Variants in CDH19 observed in about 807,000 individuals in gnomAD.
The protein encoded by CDH19 is cadherin 19.
Under a neutral mutation model 64.2 loss-of-function variants are expected in CDH19, and 67 were observed. The ratio of observed to expected loss-of-function variants is 1.04; its 90% CI spans 0.86 to 1.28. The LOEUF is 1.28. Ranked by LOEUF, CDH19 falls within the 50% of genes most tolerant of loss-of-function variation. The probability of loss-of-function intolerance (pLI) is 0.00; values close to 1 mark genes in which losing one functional copy is unlikely to be tolerated. For synonymous variants in CDH19, 346 were observed against 319.3 expected (o/e 1.08, Z -0.89); for missense variants, 1,030 against 929.0 (o/e 1.11, Z -1.41).
intron 1 of CDH19, among the ~76,000 whole-genome samples, chr18:66,588,642 ACAGCTCAGATT>A (rs1988652844): frequency 6.9e-6 from 1 of 145,100 alleles, no homozygotes; most frequent in Non-Finnish European, 1.5e-5. Flanking sequence ...ATATATAGAT[ACAGCTCAGATT>A]TATTTCAGTG....
In CDH19 at chr18:66,538,139, G is replaced by A. The variant is rs1986746084; in HGVS notation, c.1215-3032C>T. Among the ~76,000 whole-genome samples, 4 of 152,106 alleles carry A rather than the reference G, an allele frequency of 2.6e-5. No individual in the cohort carries two copies. The South Asian group carries it at 8.3e-4, about 32-fold the overall frequency. On this transcript the variant is annotated intron_variant, in intron 7 of 11. Coordinates refer to ENST00000262150, the MANE Select transcript of CDH19 (RefSeq NM_021153.4). Reference sequence around the variant, plus strand: ...ATGTAAAAAATATATTCACTATGTAGAGTACATTTCTTCTGAACAGCTATT... The same window carrying A: ...ATGTAAAAAATATATTCACTATGTAAAGTACATTTCTTCTGAACAGCTATT...
At chr18:66,577,275 A>G (rs1259535242) in intron 1 of CDH19, among the ~76,000 whole-genome samples, 1 of 151,898 alleles carries the variant, frequency 6.6e-6, no homozygotes, top group East Asian at 1.9e-4. Context: ...GGGGCTTAGA[A>G]TAACTCAAAG....
rs1439765144 is a variant in CDH19 at position 66,544,115 on chromosome 18, A to T, written c.1070T>A (p.Ile357Asn). The T allele has an allele frequency of 6.2e-7, 1 of 1,614,020 alleles. No homozygotes were observed. Among genetic ancestry groups the T allele is most frequent in the Non-Finnish European group, 8.5e-7 (1 of 1,179,948 alleles). Reference protein sequence around the residue: ...KYHTEASTTFIKIQVEDVDEP... With the variant: ...KYHTEASTTFNKIQVEDVDEP... The stretch of plus-strand genomic sequence containing the variant: ...ATCAACATCTTCCACCTGGATCTTA[A>T]TGAAAGTGGTGGAAGCCTCAGTGTG... The change falls in exon 7 of 12, where the codon ATT becomes AAT. Residue 357 changes from isoleucine (I) to asparagine (N), a missense_variant. Ile to Asn is a moderately radical substitution (Grantham distance 149, BLOSUM62 -3). Coordinates refer to ENST00000262150, the MANE Select transcript of CDH19 (RefSeq NM_021153.4).
At chr18:66,551,362 A>T (rs934833754) in intron 4 of CDH19, 104 bp from the exon 5 acceptor site, 2 of 686,706 alleles carry the variant, frequency 2.9e-6, no homozygotes, top group Non-Finnish European at 5.1e-6. Flanking sequence ...TATATGTTGA[A>T]CCACTGCAAT....
chr18:66,568,533 C>A lies in CDH19; in HGVS notation c.373G>T (p.Gly125Ter). Reference sequence around the variant, plus strand: ...TCAGACTCAGGTTCCACAGCCCTTCCAGTAGCGATGTCTATTACCTGGGCT... The same window carrying A: ...TCAGACTCAGGTTCCACAGCCCTTCAAGTAGCGATGTCTATTACCTGGGCT... Reference protein sequence around the residue: ...LRAQVIDIATGRAVEPESEFV... With the variant: ...LRAQVIDIAT Residue 125 changes from glycine to a stop codon, truncating the protein, a stop_gained, in exon 3 of 12, where the codon GGA (glycine) becomes TGA (stop). Transcript: ENST00000262150. LOFTEE classifies it high-confidence loss of function. 6.2e-7 allele frequency: 1 copy of A among 1,612,320 alleles called. No individual in the cohort carries two copies. The highest frequency in any genetic ancestry group is 1.7e-4 in the Middle Eastern group (1 of 6,054).
chr18:66,568,272 AT>A, intron 3 of CDH19, 143 bp downstream of exon 3: 1 of 615,916 alleles, frequency 1.6e-6, no homozygotes, highest in Non-Finnish European at 2.7e-6. Flanking sequence ...GCATAGTCTA[AT>A]TTTTCAAATA....
At chr18:66,570,328 G>A (rs1055527492) in intron 2 of CDH19, among the ~76,000 whole-genome samples, 4 of 151,562 alleles carry the variant, frequency 2.6e-5, no homozygotes, top group African/African-American at 4.8e-5. Context: ...AAACAAAAAC[G>A]AAAAAGCTTA....
chr18:66,508,482 GCACATCATTTT>G (rs1157973645), intron 11 of CDH19, among the ~76,000 whole-genome samples: 1 of 151,604 alleles, frequency 6.6e-6, no homozygotes, highest in East Asian at 1.9e-4. Context: ...TGGAATCTTA[GCACATCATTTT>G]CTAGCTGTGT....
Position 66,545,030 on chromosome 18 carries a change from G to A in CDH19, c.776-127C>T. ...GTCTCATTCTGTCGCCCAGGCTGGA[G>A]TGCAGTGGTGTGATCTCGGTTCACT... On this transcript the variant is annotated intron_variant, in intron 5 of 11. Coordinates refer to ENST00000262150, the MANE Select transcript of CDH19 (RefSeq NM_021153.4). 2 of 627,422 alleles carry A rather than the reference G, an allele frequency of 3.2e-6. 1 individual carries two copies. 38.9% of individuals were successfully genotyped at this position (627,422 alleles called of 1,614,324 possible).
At chr18:66,534,752 T>G (rs756408494) in intron 8 of CDH19, among the ~76,000 whole-genome samples, 3 of 151,860 alleles carry the variant, frequency 2.0e-5, no homozygotes, top group Non-Finnish European at 2.9e-5. Context: ...TTTCCTCAAT[T>G]TATTCTTGTA....
chr18:66,518,923 C>A (rs976627789), intron 9 of CDH19, among the ~76,000 whole-genome samples: 3 of 152,060 alleles, frequency 2.0e-5, no homozygotes, highest in African/African-American at 7.2e-5. Context: ...AAAATGTAAA[C>A]CCTGTGCATG....
intron 3 of CDH19, among the ~76,000 whole-genome samples, chr18:66,556,715 A>G (rs1340958157): frequency 6.6e-6 from 1 of 151,960 alleles, no homozygotes; most frequent in African/African-American, 2.4e-5. Context: ...TCAATAGCAA[A>G]AAGCCAAATA....
chr18:66,560,844 A>G (rs1006742247), intron 3 of CDH19, among the ~76,000 whole-genome samples: 3 of 152,090 alleles, frequency 2.0e-5, no homozygotes, highest in Non-Finnish European at 4.4e-5. Context: ...TTATGATAGC[A>G]TTAATACTTG....
chr18:66,522,130 A>T (rs1273426749), intron 9 of CDH19, among the ~76,000 whole-genome samples: 1 of 150,244 alleles, frequency 6.7e-6, no homozygotes, highest in Non-Finnish European at 1.5e-5. Flanking sequence ...TTGTATTTTT[A>T]GTAGAGACTG....
intron 1 of CDH19, among the ~76,000 whole-genome samples, chr18:66,597,526 CT>C (rs1238939503): frequency 1.3e-5 from 2 of 152,086 alleles, no homozygotes; most frequent in Non-Finnish European, 2.9e-5. Flanking sequence ...AAATACTATT[CT>C]GGACATAGGC....
chr18:66,523,182 A>G (rs965517873), intron 9 of CDH19, among the ~76,000 whole-genome samples: 27 of 152,164 alleles, frequency 1.8e-4, no homozygotes, highest in Admixed American at 1.2e-3. Context: ...GACTGATTCC[A>G]TATCTAGGAC....
At position 66,532,750 on chromosome 18, in the gene CDH19, C is replaced by T. The variant is rs184463096; in HGVS notation, c.1336+2236G>A. ...AAGGATAGGAGACTCATTTTAGCAA[C>T]GATCTTGTTCTAAGTTGTAGAACTA... is the stretch of plus-strand genomic sequence containing the variant. On this transcript the variant is annotated intron_variant, in intron 8 of 11. Transcript: ENST00000262150. 53 of 450,738 alleles carry T rather than the reference C, an allele frequency of 1.2e-4. No individual in the cohort carries two copies. The East Asian group carries it at 1.3e-3, about 11-fold the overall frequency. The allele number at this position is 450,738 out of a possible 1,614,324, so 27.9% of individuals were successfully genotyped here. A position where few individuals can be genotyped will look rare whatever the true frequency, so the allele number is the denominator to read the frequency against.
chr18:66,504,992 AG>A lies in CDH19; in HGVS notation c.2138del (p.Pro713LeufsTer17), dbSNP rs1248491649. 1 of 1,613,478 alleles carries A rather than the reference AG, an allele frequency of 6.2e-7. No homozygotes were observed. The highest frequency in any genetic ancestry group is 8.5e-7 in the Non-Finnish European group (1 of 1,179,746). ...CGTAGGTCTGGAGGGAATCAAAAGG[AG>A]GGGCACACGGATCAGTATTAGCTTC... is the stretch of plus-strand genomic sequence containing the variant. ...LEEANTDPCA[P>X]PFDSLQTYAF... is the part of the protein sequence containing the mutation. On this transcript the variant is annotated frameshift_variant, in exon 12 of 12. Coordinates refer to ENST00000262150, the MANE Select transcript of CDH19 (RefSeq NM_021153.4). LOFTEE classifies it low-confidence loss of function (END_TRUNC).
intron 7 of CDH19, among the ~76,000 whole-genome samples, chr18:66,543,488 A>AT (rs201562670): frequency 0.014 from 2,190 of 152,222 alleles, 35 homozygotes; most frequent in Non-Finnish European, 0.022. Flanking sequence ...GAAATCACCA[A>AT]TTTTACTGCA....
Sources: allele counts gnomAD v4.1 joint callset (sites outside exome capture counted in the v4.1 genomes callset), GRCh38; gene constraint gnomAD v4.1.1; transcripts MANE v1.5; gene names NCBI Gene and HGNC (gene_info 2026-07-23, HGNC 2026-07-21).